Variants in MAML2 observed in about 807,000 individuals in gnomAD.
MAML2 encodes mastermind-like protein 2.
A neutral mutation model predicts 96.1 loss-of-function variants in MAML2; 22 were observed. That is an observed-to-expected ratio of 0.23 (90% CI 0.16 to 0.33). MAML2 has a LOEUF of 0.33. Among genes scored for constraint, MAML2 ranks in the 10% least tolerant of loss-of-function variants. The probability of loss-of-function intolerance (pLI) is 1.00; values close to 1 mark genes in which losing one functional copy is unlikely to be tolerated. For synonymous variants in MAML2, 561 were observed against 521.3 expected (o/e 1.08, Z -1.04); for missense variants, 1,367 against 1,392.4 (o/e 0.98, Z 0.29).
chr11:96,278,642 T>C (rs774435753), intron 1 of MAML2, among the ~76,000 whole-genome samples: 2 of 152,154 alleles, frequency 1.3e-5, no homozygotes, highest in African/African-American at 2.4e-5. Flanking sequence ...GAAAGATGAA[T>C]AGGACTTTAC....
chr11:96,328,032 G>T (rs988633027), intron 1 of MAML2, among the ~76,000 whole-genome samples: 9 of 152,158 alleles, frequency 5.9e-5, no homozygotes, highest in African/African-American at 1.9e-4. Context: ...GGGGGTGGAG[G>T]TTACAGTGAG....
chr11:96,004,580 T>C (rs1048063597), intron 2 of MAML2, among the ~76,000 whole-genome samples: 5 of 152,196 alleles, frequency 3.3e-5, no homozygotes, highest in African/African-American at 1.2e-4. Context: ...ACATGTCTCA[T>C]GTGATATCCC....
chr11:96,095,735 A>G (rs1285877062), intron 1 of MAML2, among the ~76,000 whole-genome samples: 2 of 152,164 alleles, frequency 1.3e-5, no homozygotes, highest in Non-Finnish European at 2.9e-5. Context: ...GAATTTCCCT[A>G]TTGCTTAAGC....
chr11:96,169,659 C>CTTTTTT (rs5793784), intron 1 of MAML2, among the ~76,000 whole-genome samples: 1 of 144,896 alleles, frequency 6.9e-6, no homozygotes, highest in Non-Finnish European at 1.5e-5. Context: ...AGAAAGTAAA[C>CTTTTTT]TTTTTTTTTT....
intron 1 of MAML2, among the ~76,000 whole-genome samples, chr11:96,097,326 G>T (rs77692552): frequency 0.015 from 2,292 of 152,292 alleles, 49 homozygotes; most frequent in African/African-American, 0.052. Flanking sequence ...GAATGGTAGA[G>T]AATAAAGGCA....
intron 1 of MAML2, among the ~76,000 whole-genome samples, chr11:96,313,723 A>C (rs1863586097): frequency 6.6e-6 from 1 of 152,182 alleles, no homozygotes; most frequent in African/African-American, 2.4e-5. Context: ...AGAACCATAT[A>C]TTTTTAAGGT....
At chr11:96,121,164 C>A (rs898427087) in intron 1 of MAML2, among the ~76,000 whole-genome samples, 18 of 152,162 alleles carry the variant, frequency 1.2e-4, no homozygotes, top group Admixed American at 2.6e-4. Flanking sequence ...CCTAGATCCC[C>A]TACTCCGCAC....
chr11:96,289,919 A>G (rs971370520), intron 1 of MAML2, among the ~76,000 whole-genome samples: 2 of 152,052 alleles, frequency 1.3e-5, no homozygotes, highest in Non-Finnish European at 2.9e-5. Context: ...AGGGACTGGG[A>G]ATAAATATCA....
At chr11:95,995,491 C>A (rs993615811) in intron 2 of MAML2, among the ~76,000 whole-genome samples, 2 of 152,126 alleles carry the variant, frequency 1.3e-5, no homozygotes, top group African/African-American at 4.8e-5. Flanking sequence ...TCATTTGCAA[C>A]ATAAAGGTAA....
At chr11:96,015,092 A>T (rs1438644188) in intron 2 of MAML2, among the ~76,000 whole-genome samples, 1 of 152,202 alleles carries the variant, frequency 6.6e-6, no homozygotes, top group Admixed American at 6.5e-5. Context: ...TTAGTCAGTG[A>T]TTGAGCCAAA....
intron 1 of MAML2, among the ~76,000 whole-genome samples, chr11:96,327,957 G>T (rs1035962852): frequency 1.3e-5 from 2 of 151,898 alleles, no homozygotes; most frequent in African/African-American, 4.8e-5. Context: ...TTAGCCAGGC[G>T]TGGTGGCGCA....
intron 2 of MAML2, among the ~76,000 whole-genome samples, chr11:96,030,101 C>T (rs1208353238): frequency 2.0e-5 from 3 of 151,942 alleles, no homozygotes; most frequent in East Asian, 1.9e-4. Context: ...GGCGTGGTAG[C>T]GGACACCTGT....
intron 1 of MAML2, among the ~76,000 whole-genome samples, chr11:96,132,368 G>C (rs1272850909): frequency 1.3e-5 from 2 of 152,172 alleles, no homozygotes; most frequent in African/African-American, 4.8e-5. Flanking sequence ...TTGCCAGAGT[G>C]CATGCCCTAG....
chr11:96,065,971 C>A (rs1035728309), intron 2 of MAML2, among the ~76,000 whole-genome samples: 1 of 152,174 alleles, frequency 6.6e-6, no homozygotes, highest in African/African-American at 2.4e-5. Flanking sequence ...TCCACACATT[C>A]TCCTGCATCG....
chr11:95,998,122 A>ATCTGTCAGTCTGTCTGTCAG (rs1554993527), intron 2 of MAML2, among the ~76,000 whole-genome samples: 2 of 117,464 alleles, frequency 1.7e-5, no homozygotes, highest in East Asian at 5.4e-4. Flanking sequence ...TTTTCTATCT[A>ATCTGTCAGTCTGTCTGTCAG]TCTGTCTGTC....
chr11:96,141,435 G>C (rs1294776171), intron 1 of MAML2, among the ~76,000 whole-genome samples: 1 of 152,108 alleles, frequency 6.6e-6, no homozygotes, highest in Non-Finnish European at 1.5e-5. Flanking sequence ...TACTACGTAA[G>C]AGGCCCCAGC....
chr11:96,157,668 C>T (rs1402543759), intron 1 of MAML2, among the ~76,000 whole-genome samples: 1 of 152,216 alleles, frequency 6.6e-6, no homozygotes, highest in East Asian at 1.9e-4. Context: ...CTATGATCTA[C>T]CCATTTATCT....
intron 1 of MAML2, among the ~76,000 whole-genome samples, chr11:96,157,485 C>A (rs1448278507): frequency 6.6e-6 from 1 of 152,224 alleles, no homozygotes; most frequent in Admixed American, 6.5e-5. Context: ...ATGCCATCAG[C>A]CTTCTGACCC....
intron 1 of MAML2, among the ~76,000 whole-genome samples, chr11:96,311,227 ATG>A (rs1283348924): frequency 6.6e-6 from 1 of 152,238 alleles, no homozygotes; most frequent in African/African-American, 2.4e-5. Flanking sequence ...TTGAGAAGTC[ATG>A]TGAGTCCATT....
Sources: gnomAD v4.1 joint callset for allele counts (sites outside exome capture counted in the v4.1 genomes callset) on GRCh38, gnomAD v4.1.1 for gene constraint, MANE v1.5 for transcripts, NCBI Gene and HGNC (gene_info 2026-07-23, HGNC 2026-07-21) for gene names.